Variants in POU2AF2 observed in about 807,000 individuals in gnomAD.
The protein encoded by POU2AF2 is POU domain class 2-associating factor 2.
chr11:111,265,259 T>A, the POU2AF2 span, among the ~76,000 whole-genome samples: 2 of 152,184 alleles, frequency 1.3e-5, no homozygotes, highest in Non-Finnish European at 2.9e-5. Flanking sequence ...TCCCAGACAC[T>A]CCCCTCTGCT....
At chr11:111,254,128 C>A in the POU2AF2 span, among the ~76,000 whole-genome samples, 18 of 152,198 alleles carry the variant, frequency 1.2e-4, no homozygotes, top group Admixed American at 1.0e-3. Context: ...AATCAATAAT[C>A]AATAAATCAA....
chr11:111,269,990 C>G, the POU2AF2 span, among the ~76,000 whole-genome samples: 3 of 152,156 alleles, frequency 2.0e-5, no homozygotes, highest in Non-Finnish European at 4.4e-5. Flanking sequence ...AATATATGAC[C>G]TAAAGTCTAT....
chr11:111,265,800 A>C, the POU2AF2 span, among the ~76,000 whole-genome samples: 1 of 152,040 alleles, frequency 6.6e-6, no homozygotes, highest in Non-Finnish European at 1.5e-5. Context: ...TTAATATAAT[A>C]TACATAAGTG....
At chr11:111,251,562 C>A in the POU2AF2 span, among the ~76,000 whole-genome samples, 4,842 of 152,284 alleles carry the variant, frequency 0.032, 97 homozygotes, top group Middle Eastern at 0.061. Flanking sequence ...CTTACCACTG[C>A]ACACATCTTT....
chr11:111,253,445 T>C, the POU2AF2 span, among the ~76,000 whole-genome samples: 2 of 152,228 alleles, frequency 1.3e-5, no homozygotes, highest in Non-Finnish European at 2.9e-5. Flanking sequence ...GTTCTGAAAC[T>C]TATGTACTGA....
the POU2AF2 span, among the ~76,000 whole-genome samples, chr11:111,247,181 T>C: frequency 0.3 from 12,526 of 42,028 alleles, 604 homozygotes; most frequent in East Asian, 0.55. Flanking sequence ...TTCATACACA[T>C]ACACACACAC....
chr11:111,272,122 G>T, the POU2AF2 span, among the ~76,000 whole-genome samples: 5 of 152,168 alleles, frequency 3.3e-5, no homozygotes, highest in Non-Finnish European at 2.9e-5. Flanking sequence ...GTGACATGCA[G>T]TTCCTCACAT....
At chr11:111,276,455 T>TATAA in the POU2AF2 span, among the ~76,000 whole-genome samples, 1 of 25,404 alleles carries the variant, frequency 3.9e-5, no homozygotes, top group Non-Finnish European at 7.5e-5. Flanking sequence ...AAAAAAAAAA[T>TATAA]ATATATATAT....
chr11:111,263,345 A>G, the POU2AF2 span, among the ~76,000 whole-genome samples: 20 of 150,962 alleles, frequency 1.3e-4, no homozygotes, highest in Non-Finnish European at 2.4e-4. Flanking sequence ...ACTAGCTCTT[A>G]CCCAATTTGA....
At chr11:111,254,941 A>G in the POU2AF2 span, among the ~76,000 whole-genome samples, 2 of 152,218 alleles carry the variant, frequency 1.3e-5, no homozygotes, top group Non-Finnish European at 2.9e-5. Context: ...TATAATAATT[A>G]TAGTTAGAAA....
chr11:111,271,463 C>A, the POU2AF2 span, among the ~76,000 whole-genome samples: 1 of 151,904 alleles, frequency 6.6e-6, no homozygotes, highest in Non-Finnish European at 1.5e-5. Flanking sequence ...ACTCTGTTAC[C>A]CAGGCTGGAG....
At chr11:111,276,447 A>ATATAT in the POU2AF2 span, among the ~76,000 whole-genome samples, 10 of 30,272 alleles carry the variant, frequency 3.3e-4, no homozygotes, top group African/African-American at 8.4e-4. Flanking sequence ...AAGAAAAAAA[A>ATATAT]AAAAAAATAT....
the POU2AF2 span, among the ~76,000 whole-genome samples, chr11:111,276,453 A>AAAAAAAAAAAATATATATATAT: frequency 5.3e-5 from 2 of 37,690 alleles, no homozygotes; most frequent in Non-Finnish European, 5.0e-5. Flanking sequence ...AAAAAAAAAA[A>AAAAAAAAAAAATATATATATAT]ATATATATAT....
At chr11:111,275,528 G>T in the POU2AF2 span, among the ~76,000 whole-genome samples, 1 of 152,114 alleles carries the variant, frequency 6.6e-6, no homozygotes, top group Admixed American at 6.5e-5. Context: ...GAAGGCATCT[G>T]GCTCCCCATA....
At chr11:111,280,057 A>AAAAAAAAAAAAATATATAT in the POU2AF2 span, among the ~76,000 whole-genome samples, 2 of 76,498 alleles carry the variant, frequency 2.6e-5, no homozygotes, top group African/African-American at 1.0e-4. Context: ...AAAAAAAAAA[A>AAAAAAAAAAAAATATATAT]ATATATATAT....
At chr11:111,250,430 T>A in the POU2AF2 span, among the ~76,000 whole-genome samples, 1 of 152,186 alleles carries the variant, frequency 6.6e-6, no homozygotes, top group African/African-American at 2.4e-5. Flanking sequence ...TGCAGCCAAG[T>A]TTTTAAGACC....
At chr11:111,258,081 G>A in the POU2AF2 span, among the ~76,000 whole-genome samples, 2 of 152,072 alleles carry the variant, frequency 1.3e-5, no homozygotes, top group Admixed American at 6.5e-5. Context: ...TCGTGACACT[G>A]CGCTCCAGCC....
the POU2AF2 span, among the ~76,000 whole-genome samples, chr11:111,276,453 A>AAAATATATATATATATATAT: frequency 3.2e-4 from 12 of 37,620 alleles, no homozygotes; most frequent in Non-Finnish European, 4.5e-4. Context: ...AAAAAAAAAA[A>AAAATATATATATATATATAT]ATATATATAT....
the POU2AF2 span, among the ~76,000 whole-genome samples, chr11:111,254,173 CA>C: frequency 2.0e-5 from 3 of 152,190 alleles, no homozygotes; most frequent in African/African-American, 7.2e-5. Flanking sequence ...TAGAGCATCA[CA>C]CACAATTCTA....
Sources: gnomAD v4.1 joint callset for allele counts (sites outside exome capture counted in the v4.1 genomes callset) on GRCh38, gnomAD v4.1.1 for gene constraint, MANE v1.5 for transcripts, NCBI Gene and HGNC (gene_info 2026-07-23, HGNC 2026-07-21) for gene names.